ADARB2: variants seen among roughly 807,000 people sequenced by gnomAD.
ADARB2 encodes the protein adenosine deaminase RNA specific B2 (inactive).
A neutral mutation model predicts 62.2 loss-of-function variants in ADARB2; 25 were observed. That is an observed-to-expected ratio of 0.40 (90% CI 0.29 to 0.56). The LOEUF (loss-of-function observed/expected upper bound fraction) is 0.56, where lower values mean the gene tolerates loss of function less well. Among genes scored for constraint, ADARB2 ranks in the 20% least tolerant of loss-of-function variants. The pLI, the probability that ADARB2 is intolerant of heterozygous loss-of-function variation, is 0.43. For synonymous variants in ADARB2, 572 were observed against 500.8 expected (o/e 1.14, Z -1.90); for missense variants, 1,071 against 1,077.4 (o/e 0.99, Z 0.08).
chr10:1,439,060 G>A (rs1276698753), intron 1 of ADARB2, among the ~76,000 whole-genome samples: 2 of 128,762 alleles, frequency 1.6e-5, no homozygotes, highest in Admixed American at 7.6e-5. Flanking sequence ...ATGGAGGCAG[G>A]CCCTTCATGA....
At chr10:1,276,329 C>T (rs1041710723) in intron 3 of ADARB2, among the ~76,000 whole-genome samples, 1 of 152,076 alleles carries the variant, frequency 6.6e-6, no homozygotes, top group Non-Finnish European at 1.5e-5. Context: ...CTGTTCATAT[C>T]CTTCGCCCAC....
At chr10:1,231,171 G>C (rs928629062) in intron 6 of ADARB2, among the ~76,000 whole-genome samples, 4 of 152,096 alleles carry the variant, frequency 2.6e-5, no homozygotes, top group Admixed American at 6.6e-5. Flanking sequence ...ACTCCCACCA[G>C]GGACATATTA....
chr10:1,521,356 G>A (rs148455897), intron 1 of ADARB2, among the ~76,000 whole-genome samples: 16 of 152,262 alleles, frequency 1.1e-4, no homozygotes, highest in African/African-American at 3.9e-4. Flanking sequence ...TACTGTCTTA[G>A]ACATTTAAAA....
chr10:1,314,935 TA>T (rs1441099063), intron 3 of ADARB2, among the ~76,000 whole-genome samples: 2 of 152,196 alleles, frequency 1.3e-5, no homozygotes, highest in Non-Finnish European at 2.9e-5. Flanking sequence ...TTTATTATCC[TA>T]ATGGGAACAG....
chr10:1,179,992 C>T lies in ADARB2; in HGVS notation c.*3201G>A, dbSNP rs1836646569. On this transcript the variant is annotated 3_prime_UTR_variant, in exon 10 of 10. Coordinates refer to ENST00000381312, the MANE Select transcript of ADARB2 (RefSeq NM_018702.4). ...AAAGTGACCCGTCCCCTACTTGTGT[C>T]TTGCCCCCTCACTTGGAGGGGAATG... 1.3e-5 allele frequency: 2 copies of T among 151,550 alleles called. No individual in the cohort carries two copies. The highest frequency in any genetic ancestry group is 4.9e-5 in the African/African-American group (2 of 40,802). 9.4% of individuals were successfully genotyped at this position (151,550 alleles called of 1,614,324 possible). A position where few individuals can be genotyped will look rare whatever the true frequency, so the allele number is the denominator to read the frequency against.
At chr10:1,432,429 C>T (rs1168154086) in intron 1 of ADARB2, among the ~76,000 whole-genome samples, 1 of 151,746 alleles carries the variant, frequency 6.6e-6, no homozygotes, top group Non-Finnish European at 1.5e-5. Context: ...CCCTAATTCT[C>T]TGAAGTTTTA....
intron 1 of ADARB2, among the ~76,000 whole-genome samples, chr10:1,654,300 G>A (rs1834148878): frequency 1.3e-5 from 2 of 152,194 alleles, no homozygotes. Context: ...GGGACAGGAA[G>A]TGCACGCCTC....
intron 1 of ADARB2, among the ~76,000 whole-genome samples, chr10:1,628,492 T>C (rs897273851): frequency 3.3e-5 from 5 of 152,240 alleles, no homozygotes; most frequent in Admixed American, 3.3e-4. Context: ...GACACAGATA[T>C]TAAAACAATG....
At chr10:1,684,755 C>T (rs1834579154) in intron 1 of ADARB2, among the ~76,000 whole-genome samples, 1 of 152,194 alleles carries the variant, frequency 6.6e-6, no homozygotes, top group South Asian at 2.1e-4. Flanking sequence ...GCTGATTTCA[C>T]CAAAAGATTT....
rs1434362155 is a variant in ADARB2, at chr10:1,426,099, T to C, written c.101-46939A>G. ...GTCAGAAGGTTGTGTTTATGTTTTA[T>C]GCTTGATCTATAATGACACAACAAA... On this transcript the variant is annotated intron_variant, in intron 1 of 9. Coordinates refer to ENST00000381312, the MANE Select transcript of ADARB2 (RefSeq NM_018702.4). This position sits in a 1 kb window ranked among gnomAD's most constrained non-coding sequence, Gnocchi z 4.1. Among the ~76,000 whole-genome samples the C allele has an allele frequency of 6.6e-6, 1 of 152,224 alleles. No individual in the cohort carries two copies. Among genetic ancestry groups the C allele is most frequent in the Non-Finnish European group, 1.5e-5 (1 of 68,046 alleles).
chr10:1,553,376 G>A (rs886133831), intron 1 of ADARB2, among the ~76,000 whole-genome samples: 3 of 152,136 alleles, frequency 2.0e-5, no homozygotes, highest in Admixed American at 6.5e-5. Context: ...TGGCATGGAC[G>A]AGGCAGGCAG....
At chr10:1,570,474 G>C (rs74914658) in intron 1 of ADARB2, among the ~76,000 whole-genome samples, 3,706 of 152,238 alleles carry the variant, frequency 0.024, 70 homozygotes, top group Middle Eastern at 0.051. Context: ...CCGCACGGCA[G>C]GAAAGGCCTC....
At chr10:1,458,652 A>G in intron 1 of ADARB2, among the ~76,000 whole-genome samples, 1 of 151,812 alleles carries the variant, frequency 6.6e-6, no homozygotes, top group South Asian at 2.1e-4. Flanking sequence ...TTGCTTTTAC[A>G]TTTTTCTGCC....
Position 1,426,493 on chromosome 10 carries a change from A to T in ADARB2, c.101-47333T>A, listed in dbSNP as rs537512441. On this transcript the variant is annotated intron_variant, in intron 1 of 9. Coordinates refer to ENST00000381312, the MANE Select transcript of ADARB2 (RefSeq NM_018702.4). This position sits in a 1 kb window ranked among gnomAD's most constrained non-coding sequence, Gnocchi z 4.1. ...TGCACACACATCATTCTTCAGGTGC[A>T]GTTATGACAGAAGGATGGTCCTGTC... 6.6e-6 allele frequency among the ~76,000 whole-genome samples: 1 copy of T among 152,278 alleles called. No homozygotes were observed. The highest frequency in any genetic ancestry group is 2.1e-4 in the South Asian group (1 of 4,826).
intron 4 of ADARB2, among the ~76,000 whole-genome samples, chr10:1,245,606 T>C (rs550641778): frequency 1.3e-4 from 20 of 152,144 alleles, no homozygotes; most frequent in African/African-American, 4.6e-4. Flanking sequence ...TTTGTCCTTG[T>C]GATAGTTTGC....
At chr10:1,519,288 A>G (rs1168175068) in intron 1 of ADARB2, among the ~76,000 whole-genome samples, 1 of 150,274 alleles carries the variant, frequency 6.7e-6, no homozygotes, top group Non-Finnish European at 1.5e-5. Context: ...CATGCATTCC[A>G]TGTAACATCT....
rs554352852 is a variant in ADARB2, at chr10:1,403,390, C to T, written c.101-24230G>A. Among the ~76,000 whole-genome samples, 16 of 152,286 alleles carry T rather than the reference C, an allele frequency of 1.1e-4. 1 individual carries two copies. The highest frequency in any genetic ancestry group is 3.9e-4 in the Admixed American group (6 of 15,304). ...CCTATCTGGGTCGTCACTCACACCC[C>T]GATGCAGGAGCAAGGCTAAGCTTGG... On this transcript the variant is annotated intron_variant, in intron 1 of 9. Transcript: ENST00000381312.
At chr10:1,694,629 A>G (rs1202528597) in intron 1 of ADARB2, among the ~76,000 whole-genome samples, 2 of 152,234 alleles carry the variant, frequency 1.3e-5, no homozygotes, top group African/African-American at 4.8e-5. Context: ...CCCTAGAATA[A>G]TTAACAATCA....
chr10:1,435,465 G>T (rs1225247800), intron 1 of ADARB2, among the ~76,000 whole-genome samples: 1 of 149,572 alleles, frequency 6.7e-6, no homozygotes, highest in Non-Finnish European at 1.5e-5. Flanking sequence ...GCTGCCCCGG[G>T]CTGAGCCTCC....
Sources: gnomAD v4.1 joint callset for allele counts (sites outside exome capture counted in the v4.1 genomes callset) on GRCh38, gnomAD v4.1.1 for gene constraint, Gnocchi (gnomAD v3.1) non-coding constraint, MANE v1.5 for transcripts, NCBI Gene and HGNC (gene_info 2026-07-23, HGNC 2026-07-21) for gene names.